The following FANCA variants were observed in gnomAD, a reference collection of about 807,000 sequenced individuals.
FANCA encodes FA complementation group A, also known as Fanconi anemia group A protein.
Under a neutral mutation model 194.3 loss-of-function variants are expected in FANCA, and 236 were observed. The observed-to-expected ratio is 1.21, with a 90% CI of 1.09 to 1.35. FANCA has a LOEUF of 1.35. Ranked by LOEUF, FANCA falls within the 40% of genes most tolerant of loss-of-function variation. The pLI is 0.00. For missense variants in FANCA, 2,628 were observed against 1,813.9 expected (o/e 1.45, Z -8.15); for synonymous variants, 1,014 against 715.8 (o/e 1.42, Z -6.65).
At chr16:89,758,456 G>T (rs947749622) in intron 30 of FANCA, 121 bp downstream of exon 30, 1 of 1,214,070 alleles carries the variant, frequency 8.2e-7, no homozygotes, top group Middle Eastern at 2.1e-4. Context: ...GTATAGGCTG[G>T]GAAAGGCAGA....
chr16:89,791,797 A>T, intron 13 of FANCA, 130 bp downstream of exon 13: 1 of 1,191,938 alleles, frequency 8.4e-7, no homozygotes, highest in Non-Finnish European at 1.2e-6. Flanking sequence ...CATCGACAGG[A>T]GGCACTGCAG....
intron 31 of FANCA, among the ~76,000 whole-genome samples, chr16:89,751,777 T>G (rs1567605328): frequency 6.6e-6 from 1 of 151,838 alleles, no homozygotes; most frequent in Non-Finnish European, 1.5e-5. Context: ...TATCTTTTTT[T>G]TTTTTTTGAG....
chr16:89,801,959 A>C (rs1019158059), intron 8 of FANCA, among the ~76,000 whole-genome samples: 3 of 152,238 alleles, frequency 2.0e-5, no homozygotes, highest in African/African-American at 7.2e-5. Context: ...CTGGGCTTAC[A>C]GCCAAAGGAA....
At chr16:89,740,989 G>T (rs542716713) in intron 37 of FANCA, 123 bp from the exon 38 acceptor site, 1 of 881,666 alleles carries the variant, frequency 1.1e-6, no homozygotes, top group Non-Finnish European at 1.8e-6. Context: ...CCTTTAAGTG[G>T]ATCTTAGAAA....
intron 10 of FANCA, chr16:89,798,270 G>A: frequency 2.2e-6 from 2 of 913,276 alleles, no homozygotes; most frequent in African/African-American, 3.6e-5. Flanking sequence ...AGCCTCCACT[G>A]CTGTGAGAAC....
chr16:89,772,199 A>T (rs1275163507), intron 22 of FANCA, among the ~76,000 whole-genome samples: 2 of 152,190 alleles, frequency 1.3e-5, no homozygotes, highest in Non-Finnish European at 2.9e-5. Context: ...CAACTACATC[A>T]TTTAAAGGTG....
Position 89,759,710 on chromosome 16 carries a change from G to C in FANCA, c.2853-1005C>G, listed in dbSNP as rs76221962. The stretch of plus-strand genomic sequence containing the variant: ...CTGGAGAGGGAAGCTGCCGTGAGCC[G>C]TGAGTGCATCACTGTACTCCATCCT... On this transcript the variant is annotated intron_variant, in intron 29 of 42. Transcript: ENST00000389301. Among the ~76,000 whole-genome samples, 1,178 of 152,308 alleles carry C rather than the reference G, an allele frequency of 7.7e-3. 14 individuals carry two copies. Among genetic ancestry groups the C allele is most frequent in the African/African-American group, 0.027 (1,123 of 41,556 alleles).
intron 30 of FANCA, among the ~76,000 whole-genome samples, chr16:89,756,445 A>T (rs2038769723): frequency 6.6e-6 from 1 of 152,144 alleles, no homozygotes; most frequent in Non-Finnish European, 1.5e-5. Flanking sequence ...TCTGGCCAAC[A>T]TGGTGAAACC....
At position 89,764,979 on chromosome 16, in the gene FANCA, G is replaced by C. The variant is rs766402927; in HGVS notation, c.2689C>G (p.His897Asp). 11 of 1,614,128 alleles carry C rather than the reference G, an allele frequency of 6.8e-6. No individual in the cohort carries two copies. The highest frequency in any genetic ancestry group is 4.0e-5 in the African/African-American group (3 of 74,942). Reference protein sequence around the residue: ...DVASLSWRPLHLPSADWQRAA... With the variant: ...DVASLSWRPLDLPSADWQRAA... ...CTCTGCCAGTCTGCAGAAGGAAGGT[G>C]CAAGGGTCTCCAGGAAAGGCTGGCT... The change falls in exon 28 of 43, where the codon CAC becomes GAC. Residue 897 changes from histidine (H) to aspartate (D), a missense_variant. Physicochemically the swap from His to Asp is moderately conservative, Grantham distance 81. Transcript: ENST00000389301.
At chr16:89,789,008 G>C (rs1355085783) in intron 14 of FANCA, among the ~76,000 whole-genome samples, 1 of 151,976 alleles carries the variant, frequency 6.6e-6, no homozygotes, top group Non-Finnish European at 1.5e-5. Flanking sequence ...AAGCAGCCCA[G>C]GGAGACACCT....
intron 33 of FANCA, 120 bp downstream of exon 33, chr16:89,748,539 G>C: frequency 1.2e-6 from 1 of 830,216 alleles, no homozygotes; most frequent in East Asian, 2.7e-5. Context: ...TTCCCTATTT[G>C]ACTTTGAACC....
rs747220449 is a variant in FANCA at position 89,764,918 on chromosome 16, C to T, written c.2750G>A (p.Arg917Gln). 9 of 1,614,178 alleles carry T rather than the reference C, an allele frequency of 5.6e-6. No individual in the cohort carries two copies. Among genetic ancestry groups the T allele is most frequent in the South Asian group, 2.2e-5 (2 of 91,068 alleles). ...AACATCTTCCTCTTTCAACACCTCT[C>T]GGAAGGTTCTGTGTGTCCAGAGAGA... ...ALSLWTHRTF[R>Q]EVLKEEDVHL... The change falls in exon 28 of 43, where the codon CGA (arginine) becomes CAA (glutamine). Residue 917 changes from arginine to glutamine, a missense_variant. Coordinates refer to ENST00000389301, the MANE Select transcript of FANCA (RefSeq NM_000135.4).
intron 10 of FANCA, among the ~76,000 whole-genome samples, chr16:89,796,278 G>A (rs912901313): frequency 6.6e-5 from 10 of 152,030 alleles, no homozygotes; most frequent in African/African-American, 2.4e-4. Flanking sequence ...AGGGCAGGCC[G>A]CGCCACACCC....
intron 17 of FANCA, among the ~76,000 whole-genome samples, chr16:89,782,450 G>A (rs1282699040): frequency 6.6e-6 from 1 of 151,770 alleles, no homozygotes; most frequent in Non-Finnish European, 1.5e-5. Context: ...GGCAGAGGTT[G>A]CAGTGAGCCG....
In FANCA at chr16:89,791,648, C is replaced by T. The variant is rs989630946; in HGVS notation, c.1226-112G>A. 1.0e-5 allele frequency: 15 copies of T among 1,454,070 alleles called. No individual in the cohort carries two copies. In the African/African-American group the frequency reaches 2.0e-4, roughly 19 times the overall value. 90.1% of individuals were successfully genotyped at this position (1,454,070 alleles called of 1,614,324 possible). A position where few individuals can be genotyped will look rare whatever the true frequency, so the allele number is the denominator to read the frequency against. ...CAGAAGGAGACTGTGCACACCCAAA[C>T]ACCAAGTTTTAAAAGACTACACAGC... On this transcript the variant is annotated intron_variant, in intron 13 of 42. Coordinates refer to ENST00000389301, the MANE Select transcript of FANCA (RefSeq NM_000135.4).
chr16:89,791,529 C>T lies in FANCA; in HGVS notation c.1233G>A (p.Val411=), dbSNP rs781735964. The T allele has an allele frequency of 6.2e-6, 10 of 1,614,000 alleles. No homozygotes were observed. In the South Asian group the frequency reaches 9.9e-5, roughly 16 times the overall value. ...PEAQQLLEDW[V]ARLMAQAFES... ...CGAATGCCTGGGCCATCAAACGCGC[C>T]ACCCAGTCTAGTTAAGAACCATGAC... is the stretch of plus-strand genomic sequence containing the variant. Residue 411 remains valine (V), a synonymous_variant, in exon 14 of 43, where the codon GTG becomes GTA. Coordinates refer to ENST00000389301, the MANE Select transcript of FANCA (RefSeq NM_000135.4).
At position 89,788,828 on chromosome 16, in the gene FANCA, T is replaced by A. The variant is rs1056151093; in HGVS notation, c.1359+2575A>T. Among the ~76,000 whole-genome samples, 9 of 152,100 alleles carry A rather than the reference T, an allele frequency of 5.9e-5. No individual in the cohort carries two copies. The South Asian group carries it at 1.0e-3, about 18-fold the overall frequency. On this transcript the variant is annotated intron_variant, in intron 14 of 42. Coordinates refer to ENST00000389301, the MANE Select transcript of FANCA (RefSeq NM_000135.4). ...CACAAACAGAAAAAAACAAAAAACC[T>A]CATTTAATGGTACACTTAAATTGGA...
chr16:89,794,382 T>C (rs1422430327), intron 11 of FANCA, among the ~76,000 whole-genome samples: 1 of 151,926 alleles, frequency 6.6e-6, no homozygotes, highest in Non-Finnish European at 1.5e-5. Context: ...AAACCCTGTC[T>C]CTACTCAAAA....
chr16:89,791,879 C>A lies in FANCA; in HGVS notation c.1225+48G>T, dbSNP rs74033876. ...TCAGCTGGGACTCTGCTGACACCCC[C>A]CTACACACACTCTTGACCAGCACCA... On this transcript the variant is annotated intron_variant, in intron 13 of 42. Coordinates refer to ENST00000389301, the MANE Select transcript of FANCA (RefSeq NM_000135.4). 1,508 of 1,612,486 alleles carry A rather than the reference C, an allele frequency of 9.4e-4. 13 individuals carry two copies. In the African/African-American group the frequency reaches 0.018, roughly 20 times the overall value.
Sources: allele counts gnomAD v4.1 joint callset (sites outside exome capture counted in the v4.1 genomes callset), GRCh38; gene constraint gnomAD v4.1.1; transcripts MANE v1.5; gene names NCBI Gene and HGNC (gene_info 2026-07-23, HGNC 2026-07-21).